The following TSHZ2 variants were observed in gnomAD, a reference collection of about 807,000 sequenced individuals.
TSHZ2 encodes teashirt homolog 2.
TSHZ2 carries 21 observed loss-of-function variants against 74.4 expected under a neutral mutation model. The observed-to-expected ratio is 0.28, with a 90% CI of 0.20 to 0.41. TSHZ2 has a LOEUF of 0.41. Ranked by LOEUF, TSHZ2 falls within the 10% of genes least tolerant of loss-of-function variation. The probability of loss-of-function intolerance (pLI) is 1.00; values close to 1 mark genes in which losing one functional copy is unlikely to be tolerated. For synonymous variants in TSHZ2, 540 were observed against 515.3 expected (o/e 1.05, Z -0.65); for missense variants, 1,244 against 1,293.5 (o/e 0.96, Z 0.59).
intron 1 of TSHZ2, among the ~76,000 whole-genome samples, chr20:53,079,230 G>T (rs1255069051): frequency 3.3e-5 from 5 of 152,162 alleles, no homozygotes; most frequent in African/African-American, 1.2e-4. Context: ...TTGAAAAAAT[G>T]CACACTGGAC....
At chr20:53,123,956 C>T (rs920964933) in intron 1 of TSHZ2, among the ~76,000 whole-genome samples, 18 of 152,128 alleles carry the variant, frequency 1.2e-4, no homozygotes, top group African/African-American at 3.1e-4. Flanking sequence ...CCAAATGGAG[C>T]GTTGGGTAAT....
At chr20:53,387,296 G>A (rs1267461264) in intron 2 of TSHZ2, among the ~76,000 whole-genome samples, 6 of 152,322 alleles carry the variant, frequency 3.9e-5, no homozygotes, top group Middle Eastern at 3.4e-3. Flanking sequence ...GCCACTGGAA[G>A]TTTCTTCCTA....
intron 1 of TSHZ2, among the ~76,000 whole-genome samples, chr20:53,064,111 C>A (rs2123174693): frequency 6.6e-6 from 1 of 152,244 alleles, no homozygotes; most frequent in East Asian, 1.9e-4. Flanking sequence ...TGTGGTCAAT[C>A]AGCAAGATAG....
intron 2 of TSHZ2, among the ~76,000 whole-genome samples, chr20:53,445,294 G>T (rs1277537127): frequency 6.6e-6 from 1 of 152,154 alleles, no homozygotes; most frequent in Non-Finnish European, 1.5e-5. Context: ...AACAGTTACG[G>T]TAAATATAAC....
At chr20:53,416,941 T>C (rs924494104) in intron 2 of TSHZ2, among the ~76,000 whole-genome samples, 2 of 152,204 alleles carry the variant, frequency 1.3e-5, no homozygotes, top group Admixed American at 1.3e-4. Context: ...GGGGAGCCCC[T>C]GAAGACAGAA....
At chr20:53,097,385 T>C (rs564896598) in intron 1 of TSHZ2, among the ~76,000 whole-genome samples, 1 of 151,898 alleles carries the variant, frequency 6.6e-6, no homozygotes, top group East Asian at 1.9e-4. Context: ...CCCAGATGAC[T>C]GTTATTAGCA....
At position 53,098,024 on chromosome 20, in the gene TSHZ2, A is replaced by G. The variant is rs537057401; in HGVS notation, c.40+124691A>G. ...TACAATGAGGACCTTTAGTTTTCCT[A>G]TGTTTGCCTGACACTGAGGTTTCTT... On this transcript the variant is annotated intron_variant, in intron 1 of 2. Coordinates refer to ENST00000371497, the MANE Select transcript of TSHZ2 (RefSeq NM_173485.6). 2.6e-5 allele frequency: 4 copies of G among 152,298 alleles called. No individual in the cohort carries two copies. In the South Asian group the frequency reaches 6.2e-4, roughly 24 times the overall value. The allele number at this position is 152,298 out of a possible 1,614,324, so 9.4% of individuals were successfully genotyped here.
intron 2 of TSHZ2, among the ~76,000 whole-genome samples, chr20:53,284,956 G>A (rs1450302460): frequency 2.0e-5 from 3 of 152,108 alleles, no homozygotes; most frequent in East Asian, 3.9e-4. Flanking sequence ...GGAAATGATC[G>A]TAGACATCCC....
At chr20:53,163,507 G>T (rs1987996577) in intron 1 of TSHZ2, among the ~76,000 whole-genome samples, 1 of 151,206 alleles carries the variant, frequency 6.6e-6, no homozygotes, top group Non-Finnish European at 1.5e-5. Context: ...CATTGTGCAG[G>T]TTAGTTACAT....
chr20:53,317,142 A>G (rs1979058626), intron 2 of TSHZ2, among the ~76,000 whole-genome samples: 1 of 152,170 alleles, frequency 6.6e-6, no homozygotes, highest in Non-Finnish European at 1.5e-5. Flanking sequence ...AACAATGTCT[A>G]GTTTTCCAGT....
At chr20:53,025,263 G>A (rs938700573) in intron 1 of TSHZ2, among the ~76,000 whole-genome samples, 1 of 151,982 alleles carries the variant, frequency 6.6e-6, no homozygotes, top group Non-Finnish European at 1.5e-5. Flanking sequence ...ACATTTTATA[G>A]TAAGAGCAAA....
chr20:52,991,264 A>G (rs1340332613), intron 1 of TSHZ2, among the ~76,000 whole-genome samples: 3 of 145,796 alleles, frequency 2.1e-5, no homozygotes, highest in Non-Finnish European at 3.0e-5. Flanking sequence ...AGAGAGTGTG[A>G]AAGCTTTTCT....
chr20:53,175,159 T>TTTTTC (rs1221311949), intron 1 of TSHZ2, among the ~76,000 whole-genome samples: 2 of 134,102 alleles, frequency 1.5e-5, no homozygotes, highest in African/African-American at 5.9e-5. Context: ...TTTTTTTTTT[T>TTTTTC]CAACGGAGTT....
At chr20:53,228,133 C>G (rs1989730264) in intron 1 of TSHZ2, among the ~76,000 whole-genome samples, 1 of 150,238 alleles carries the variant, frequency 6.7e-6, no homozygotes, top group Non-Finnish European at 1.5e-5. Flanking sequence ...CACACACACA[C>G]ACACACACAC....
chr20:53,356,605 A>C (rs1335848545), intron 2 of TSHZ2, among the ~76,000 whole-genome samples: 1 of 152,216 alleles, frequency 6.6e-6, no homozygotes, highest in African/African-American at 2.4e-5. Context: ...AATCCATTGA[A>C]GATCATAGAT....
At chr20:53,026,665 C>T (rs1983457418) in intron 1 of TSHZ2, among the ~76,000 whole-genome samples, 1 of 152,210 alleles carries the variant, frequency 6.6e-6, no homozygotes, top group African/African-American at 2.4e-5. Context: ...CACATCCACA[C>T]ATGGTATGCT....
chr20:53,263,217 T>C (rs990390137), intron 2 of TSHZ2, among the ~76,000 whole-genome samples: 1 of 152,162 alleles, frequency 6.6e-6, no homozygotes, highest in East Asian at 1.9e-4. Context: ...AAGAGCTTTT[T>C]CTCAATGAAT....
intron 2 of TSHZ2, among the ~76,000 whole-genome samples, chr20:53,459,080 C>T (rs1048404819): frequency 1.3e-5 from 2 of 152,120 alleles, no homozygotes; most frequent in Non-Finnish European, 2.9e-5. Flanking sequence ...CTATTAGGTC[C>T]GCTTGGTACA....
intron 2 of TSHZ2, among the ~76,000 whole-genome samples, chr20:53,461,950 G>A (rs973220757): frequency 2.6e-5 from 4 of 152,120 alleles, no homozygotes; most frequent in Non-Finnish European, 4.4e-5. Flanking sequence ...GAGAGCTATG[G>A]CCCAGGAGCA....
Sources: allele counts gnomAD v4.1 joint callset (sites outside exome capture counted in the v4.1 genomes callset), GRCh38; gene constraint gnomAD v4.1.1; transcripts MANE v1.5; gene names NCBI Gene and HGNC (gene_info 2026-07-23, HGNC 2026-07-21).